The following DNAAF9 variants were observed in gnomAD, a reference collection of about 807,000 sequenced individuals.
DNAAF9 encodes dynein axonemal assembly factor 9.
Under a neutral mutation model 167.0 loss-of-function variants are expected in DNAAF9, and 90 were observed. The observed-to-expected ratio is 0.54, with a 90% confidence interval of 0.45 to 0.64. The LOEUF is 0.64. Ranked by LOEUF, DNAAF9 falls within the 30% of genes least tolerant of loss-of-function variation. DNAAF9 has a pLI of 0.00. For missense variants in DNAAF9, 1,315 were observed against 1,442.2 expected, an observed-to-expected ratio of 0.91 and a Z score of 1.43; for synonymous variants, 491 against 508.8, an observed-to-expected ratio of 0.96 and a Z score of 0.47.
At chr20:3,287,491 G>C in intron 27 of DNAAF9, 141 bp downstream of exon 27, 2 of 794,442 alleles carry the variant, frequency 2.5e-6, no homozygotes, top group South Asian at 3.2e-5. Flanking sequence ...GTCATTGCTC[G>C]CTTAAGGCTT....
At chr20:3,305,844 A>G (rs1465012080) in intron 20 of DNAAF9, among the ~76,000 whole-genome samples, 2 of 152,170 alleles carry the variant, frequency 1.3e-5, no homozygotes, top group Admixed American at 6.5e-5. Flanking sequence ...GCCAGCGACT[A>G]TCTAGGTTCA....
chr20:3,359,873 A>G (rs1332202383), intron 6 of DNAAF9, among the ~76,000 whole-genome samples: 2 of 152,202 alleles, frequency 1.3e-5, no homozygotes, highest in African/African-American at 4.8e-5. Flanking sequence ...TGTATATTGT[A>G]TATTTTTTGC....
Position 3,316,772 on chromosome 20 carries a change from G to A in DNAAF9, c.1490C>T (p.Thr497Ile). Residue 497 changes from threonine (T) to isoleucine (I), a missense_variant, in exon 18 of 37, where the codon ACC becomes ATC. Physicochemically the swap from Thr to Ile is moderately conservative, Grantham distance 89. This residue lies in a region of DNAAF9 where 981 missense variants were observed against 1,012.5 expected (regional missense o/e 0.97). Coordinates refer to ENST00000252032, the MANE Select transcript of DNAAF9 (RefSeq NM_001009984.3). ...AGCAGCAGTCAGGACTACGGAGCTG[G>A]TTTCTGTGGTAACAGTGCCATCTGC... is the stretch of plus-strand genomic sequence containing the variant. ...KEKDGTVTTE[T>I]SSVVLTAAVP... 1 of 1,613,368 alleles carries A rather than the reference G, an allele frequency of 6.2e-7. No homozygotes were observed. The highest frequency in any genetic ancestry group is 8.5e-7 in the Non-Finnish European group (1 of 1,179,490).
At chr20:3,320,342 G>A (rs965204563) in intron 16 of DNAAF9, among the ~76,000 whole-genome samples, 2 of 152,194 alleles carry the variant, frequency 1.3e-5, no homozygotes, top group African/African-American at 4.8e-5. Context: ...GCTTTGGGGA[G>A]GATATAGAAC....
At position 3,264,436 on chromosome 20, in the gene DNAAF9, G is replaced by A. The variant is rs1477176895; in HGVS notation, c.2873+2C>T. The stretch of plus-strand genomic sequence containing the variant: ...TAGTTATTTTTCAATGATGATACTT[G>A]CCAGCCAGGATACATTAAATATCGA... On this transcript the variant is annotated splice_donor_variant, in intron 31 of 36. Coordinates refer to ENST00000252032, the MANE Select transcript of DNAAF9 (RefSeq NM_001009984.3). LOFTEE classifies it low-confidence loss of function (GC_TO_GT_DONOR). 7.5e-7 allele frequency: 1 copy of A among 1,341,558 alleles called. No individual in the cohort carries two copies. 83.1% of individuals were successfully genotyped at this position (1,341,558 alleles called of 1,614,324 possible). A position where few individuals can be genotyped will look rare whatever the true frequency, so the allele number is the denominator to read the frequency against.
chr20:3,296,753 C>A, intron 23 of DNAAF9, 108 bp downstream of exon 23: 1 of 729,376 alleles, frequency 1.4e-6, no homozygotes, highest in Non-Finnish European at 2.4e-6. Context: ...CTGTGTTGAC[C>A]CTTTCAGAAG....
chr20:3,362,312 T>C (rs1350841841), intron 6 of DNAAF9: 8 of 930,962 alleles, frequency 8.6e-6, no homozygotes, highest in Non-Finnish European at 1.4e-5. Flanking sequence ...ACTGAGCCTG[T>C]GGTGGCTGCC....
At chr20:3,257,558 T>A (rs1260654700) in intron 33 of DNAAF9, among the ~76,000 whole-genome samples, 1 of 152,140 alleles carries the variant, frequency 6.6e-6, no homozygotes, top group Non-Finnish European at 1.5e-5. Flanking sequence ...TTATTTATTT[T>A]ATTGAGACGG....
intron 31 of DNAAF9, among the ~76,000 whole-genome samples, chr20:3,261,449 A>C (rs923603845): frequency 6.6e-6 from 1 of 151,446 alleles, no homozygotes; most frequent in African/African-American, 2.4e-5. Flanking sequence ...GCTCACTGCA[A>C]CCTCCACCTC....
rs2069550399 is a variant in DNAAF9, at chr20:3,318,468, G to A, written c.1357-68C>T. Reference sequence around the variant, plus strand: ...AACTTTCAGAGAAGTCCATAAGAATGAGACCACAAATACTGCCTAAAGGAA... The same window carrying A: ...AACTTTCAGAGAAGTCCATAAGAATAAGACCACAAATACTGCCTAAAGGAA... On this transcript the variant is annotated intron_variant, in intron 16 of 36. Transcript: ENST00000252032. 3 of 784,272 alleles carry A rather than the reference G, an allele frequency of 3.8e-6. No homozygotes were observed. In the Admixed American group the frequency reaches 5.6e-5, roughly 15 times the overall value. The allele number at this position is 784,272 out of a possible 1,614,324, so 48.6% of individuals were successfully genotyped here. A position where few individuals can be genotyped will look rare whatever the true frequency, so the allele number is the denominator to read the frequency against.
intron 1 of DNAAF9, among the ~76,000 whole-genome samples, chr20:3,393,698 C>A (rs2083860662): frequency 6.6e-6 from 1 of 152,144 alleles, no homozygotes; most frequent in African/African-American, 2.4e-5. Context: ...AAAGTTTCTA[C>A]AAGGAAGAGA....
chr20:3,346,822 T>A (rs2070202837), intron 8 of DNAAF9, among the ~76,000 whole-genome samples: 1 of 151,850 alleles, frequency 6.6e-6, no homozygotes. Flanking sequence ...ATCATAGTAA[T>A]AGAAGAAGAA....
chr20:3,393,284 T>A (rs2083851800), intron 1 of DNAAF9, among the ~76,000 whole-genome samples: 1 of 152,076 alleles, frequency 6.6e-6, no homozygotes. Flanking sequence ...TTCAAGTGAT[T>A]CTCCTGCCTC....
intron 7 of DNAAF9, among the ~76,000 whole-genome samples, chr20:3,355,100 T>C (rs1193461663): frequency 6.6e-6 from 1 of 152,230 alleles, no homozygotes; most frequent in Non-Finnish European, 1.5e-5. Flanking sequence ...CAGATACTAC[T>C]AAATTACCTG....
At chr20:3,390,658 C>T (rs1310676911) in intron 1 of DNAAF9, among the ~76,000 whole-genome samples, 1 of 152,106 alleles carries the variant, frequency 6.6e-6, no homozygotes, top group East Asian at 1.9e-4. Flanking sequence ...AGGTGCCACG[C>T]CTGGCCTCTC....
chr20:3,292,492 C>A (rs1186840154), intron 25 of DNAAF9, among the ~76,000 whole-genome samples: 1 of 151,864 alleles, frequency 6.6e-6, no homozygotes, highest in East Asian at 1.9e-4. Context: ...CTGGGCTGGG[C>A]GCGGTGGCTC....
intron 1 of DNAAF9, among the ~76,000 whole-genome samples, chr20:3,392,848 G>A (rs949718126): frequency 1.3e-5 from 2 of 152,078 alleles, no homozygotes; most frequent in African/African-American, 2.4e-5. Flanking sequence ...CTTATATCCT[G>A]TACACTTTGT....
intron 22 of DNAAF9, 113 bp downstream of exon 22, chr20:3,297,916 C>T (rs878935727): frequency 2.4e-6 from 2 of 837,566 alleles, no homozygotes; most frequent in East Asian, 4.9e-5. Context: ...TCCAGCCCTC[C>T]TAACTCTCCC....
At chr20:3,331,677 T>TTTG (rs1278459438) in intron 11 of DNAAF9, among the ~76,000 whole-genome samples, 21 of 152,126 alleles carry the variant, frequency 1.4e-4, no homozygotes, top group Non-Finnish European at 2.4e-4. Context: ...CTCTTGCTTT[T>TTTG]TTGTTGTTGT....
Sources: allele counts gnomAD v4.1 joint callset (sites outside exome capture counted in the v4.1 genomes callset), GRCh38; gene constraint gnomAD v4.1.1; regional missense constraint gnomAD v4.1.1; transcripts MANE v1.5; gene names NCBI Gene and HGNC (gene_info 2026-07-23, HGNC 2026-07-21).